The following PKHD1L1 variants were observed in gnomAD, a reference collection of about 807,000 sequenced individuals.
The protein encoded by PKHD1L1 is fibrocystin-L.
A neutral mutation model predicts 462.9 loss-of-function variants in PKHD1L1; 434 were observed. The observed-to-expected ratio is 0.94, with a 90% CI of 0.87 to 1.02. PKHD1L1 has a LOEUF of 1.02. Ranked by LOEUF, PKHD1L1 falls within the 50% of genes least tolerant of loss-of-function variation. The probability of loss-of-function intolerance (pLI) is 0.00; values close to 1 mark genes in which losing one functional copy is unlikely to be tolerated. For missense variants in PKHD1L1, 5,202 were observed against 5,096.1 expected (o/e 1.02, Z -0.63); for synonymous variants, 1,781 against 1,750.0 (o/e 1.02, Z -0.44).
chr8:109,527,099 C>G (rs1042675754), intron 77 of PKHD1L1, 79 bp downstream of exon 77: 1 of 1,185,770 alleles, frequency 8.4e-7, no homozygotes, highest in Non-Finnish European at 1.2e-6. Context: ...GTGTGCACAG[C>G]TCTTGTGCAT....
chr8:109,514,643 C>T (rs1054658198), intron 71 of PKHD1L1, among the ~76,000 whole-genome samples: 1 of 152,056 alleles, frequency 6.6e-6, no homozygotes, highest in Non-Finnish European at 1.5e-5. Context: ...TTGGAAAAGC[C>T]AGTCTCTTTA....
In PKHD1L1 at chr8:109,507,671, A is replaced by G. The variant is rs771766842; in HGVS notation, c.11003A>G (p.Asn3668Ser). The G allele has an allele frequency of 1.9e-6, 3 of 1,612,676 alleles. No homozygotes were observed. Among genetic ancestry groups the G allele is most frequent in the South Asian group, 2.2e-5 (2 of 91,030 alleles). ...FIHRPDISKVNPSDCVDMVCD... is the reference protein window; with the variant it reads ...FIHRPDISKVSPSDCVDMVCD... ...TCAACTTTTCTCCACAGTAAGGTCA[A>G]TCCATCTGATTGTGTAGACATGGTT... is the stretch of plus-strand genomic sequence containing the variant. Residue 3668 changes from asparagine (N) to serine (S), a missense_variant, in exon 69 of 78, where the codon AAT becomes AGT. Asn to Ser is a conservative substitution (Grantham distance 46, BLOSUM62 1). Transcript: ENST00000378402.
At chr8:109,422,276 G>C (rs1336423940) in intron 23 of PKHD1L1, among the ~76,000 whole-genome samples, 1 of 152,060 alleles carries the variant, frequency 6.6e-6, no homozygotes, top group East Asian at 1.9e-4. Context: ...CATAGGTGTA[G>C]ATTCATCTGA....
intron 57 of PKHD1L1, 33 bp downstream of exon 57, chr8:109,483,138 T>C: frequency 1.4e-6 from 2 of 1,467,526 alleles, no homozygotes; most frequent in South Asian, 1.3e-5. Flanking sequence ...GGAAAATGAA[T>C]ATACACAGTG....
At chr8:109,528,901 A>G (rs1234042262) in intron 77 of PKHD1L1, among the ~76,000 whole-genome samples, 1 of 152,168 alleles carries the variant, frequency 6.6e-6, no homozygotes, top group Non-Finnish European at 1.5e-5. Flanking sequence ...ATTGTGGGCA[A>G]ATTGTAAAGA....
At chr8:109,383,928 A>T in intron 4 of PKHD1L1, 142 bp from the exon 5 acceptor site, 2 of 679,202 alleles carry the variant, frequency 2.9e-6, no homozygotes, top group East Asian at 2.7e-5. Flanking sequence ...TCTTAGGTTC[A>T]TCTTATTTAA....
intron 33 of PKHD1L1, 29 bp from the exon 34 acceptor site, chr8:109,441,246 T>C: frequency 7.1e-7 from 1 of 1,407,004 alleles, no homozygotes; most frequent in Non-Finnish European, 9.6e-7. Context: ...GTTTGCTTTT[T>C]AAAAATATGC....
At chr8:109,384,975 A>G (rs1812361528) in intron 5 of PKHD1L1, among the ~76,000 whole-genome samples, 1 of 151,980 alleles carries the variant, frequency 6.6e-6, no homozygotes, top group Admixed American at 6.6e-5. Flanking sequence ...TGTAAGACAT[A>G]TATTTTGAAT....
intron 77 of PKHD1L1, among the ~76,000 whole-genome samples, chr8:109,529,433 A>G (rs905707804): frequency 1.3e-5 from 2 of 152,030 alleles, no homozygotes; most frequent in African/African-American, 4.8e-5. Context: ...AATTAATTTT[A>G]TTTTTTTCTC....
In PKHD1L1 at chr8:109,491,949, G is replaced by T; in HGVS notation, c.10191G>T (p.Gln3397His). 6.3e-7 allele frequency: 1 copy of T among 1,592,504 alleles called. No homozygotes were observed. The highest frequency in any genetic ancestry group is 8.6e-7 in the Non-Finnish European group (1 of 1,166,724). Residue 3397 changes from glutamine (Q) to histidine (H), a missense_variant, in exon 62 of 78, where the codon CAG becomes CAT. Gln to His is a conservative substitution (Grantham distance 24). Coordinates refer to ENST00000378402, the MANE Select transcript of PKHD1L1 (RefSeq NM_177531.6). ...IALSVWPGTYQNRKDLSSTLW... is the reference protein window; with the variant it reads ...IALSVWPGTYHNRKDLSSTLW... ...TTTCGGTTTGGCCAGGAACCTATCA[G>T]AACAGAAAAGATTTAAGTTCAACTC...
In PKHD1L1 at chr8:109,396,069, G is replaced by C; in HGVS notation, c.854G>C (p.Gly285Ala). Residue 285 changes from glycine (G) to alanine (A), a missense_variant, in exon 11 of 78, where the codon GGC becomes GCC. Physicochemically the swap from Gly to Ala is moderately conservative, Grantham distance 60. This residue lies in a region of PKHD1L1 where 4,497 missense variants were observed against 4,336.8 expected (regional missense o/e 1.04). Transcript: ENST00000378402. ...CCTTCACAAGGAAGCATTCGAGGTGGCACCACGCTGACAATAAGTGGGCGT... is the reference window on the plus strand; with the variant it reads ...CCTTCACAAGGAAGCATTCGAGGTGCCACCACGCTGACAATAAGTGGGCGT... Reference protein sequence around the residue: ...IFPSQGSIRGGTTLTISGRFF... With the variant: ...IFPSQGSIRGATTLTISGRFF... The C allele has an allele frequency of 6.2e-7, 1 of 1,608,206 alleles. No individual in the cohort carries two copies. The highest frequency in any genetic ancestry group is 8.5e-7 in the Non-Finnish European group (1 of 1,177,520).
rs10709611 is a variant in PKHD1L1 at position 109,532,243 on chromosome 8, CA to C, written c.*2154del. ...TTCTAAAAATTGCTTCTTAGCCACA[CA>C]GACTTTGTTAAAAAGTTCCTGTTTT... On this transcript the variant is annotated 3_prime_UTR_variant, in exon 78 of 78. Coordinates refer to ENST00000378402, the MANE Select transcript of PKHD1L1 (RefSeq NM_177531.6). Among the ~76,000 whole-genome samples, 1,727 of 143,056 alleles carry C rather than the reference CA, an allele frequency of 0.012. 25 individuals carry two copies. The highest frequency in any genetic ancestry group is 0.042 in the African/African-American group (1,643 of 39,320). 93.9% of individuals were successfully genotyped at this position (143,056 alleles called of 152,430 possible).
chr8:109,384,175 T>C (rs1812311858), intron 5 of PKHD1L1, 48 bp downstream of exon 5: 1 of 1,323,960 alleles, frequency 7.6e-7, no homozygotes, highest in East Asian at 2.3e-5. Flanking sequence ...TGGTAAATAA[T>C]GTGTTTATTT....
At chr8:109,485,011 T>A in intron 57 of PKHD1L1, 33 bp from the exon 58 acceptor site, 1 of 1,528,172 alleles carries the variant, frequency 6.5e-7, no homozygotes, top group Non-Finnish European at 8.8e-7. Context: ...TTTTTAAAAT[T>A]GTTCTTAAAT....
intron 2 of PKHD1L1, among the ~76,000 whole-genome samples, chr8:109,370,756 GTGT>G (rs751930652): frequency 4.6e-5 from 7 of 152,104 alleles, no homozygotes; most frequent in Non-Finnish European, 1.0e-4. Flanking sequence ...AGAACATGTG[GTGT>G]TTGGTTTTTT....
At position 109,477,291 on chromosome 8, in the gene PKHD1L1, A is replaced by G; in HGVS notation, c.8984A>G (p.Asp2995Gly). 1 of 1,613,582 alleles carries G rather than the reference A, an allele frequency of 6.2e-7. No homozygotes were observed. Among genetic ancestry groups the G allele is most frequent in the Non-Finnish European group, 8.5e-7 (1 of 1,179,646 alleles). ...GGGAACCTGGATCCTGATGTGAAAG[A>G]CGTTGTTATTAATTTCCAAGCTTAC... ...ISGNLDPDVK[D>G]VVINFQAYCC... Residue 2995 changes from aspartate to glycine, a missense_variant, in exon 53 of 78, where the codon GAC becomes GGC. Asp to Gly is a moderately conservative substitution (Grantham distance 94). Coordinates refer to ENST00000378402, the MANE Select transcript of PKHD1L1 (RefSeq NM_177531.6).
At position 109,497,040 on chromosome 8, in the gene PKHD1L1, A is replaced by C. The variant is rs375446627; in HGVS notation, c.10449A>C (p.Thr3483=). The change falls in exon 64 of 78, where the codon ACA becomes ACC. Residue 3483 remains threonine (T), a synonymous_variant. Transcript: ENST00000378402. ...TTATACAAGGATTTACCATTTGGACATGCTGGGATTATGGAATTTATTTTC... is the reference window on the plus strand; with the variant it reads ...TTATACAAGGATTTACCATTTGGACCTGCTGGGATTATGGAATTTATTTTC... ...CSLIQGFTIW[T]CWDYGIYFQT... 1.2e-6 allele frequency: 2 copies of C among 1,613,556 alleles called. No homozygotes were observed.
At chr8:109,383,071 T>A (rs1465328443) in intron 4 of PKHD1L1, among the ~76,000 whole-genome samples, 2 of 120,856 alleles carry the variant, frequency 1.7e-5, no homozygotes, top group Non-Finnish European at 3.5e-5. Flanking sequence ...TAATTATATT[T>A]TATATATAAA....
At chr8:109,435,585 A>G (rs527447113) in intron 29 of PKHD1L1, among the ~76,000 whole-genome samples, 3 of 152,348 alleles carry the variant, frequency 2.0e-5, no homozygotes, top group South Asian at 4.1e-4. Context: ...TTGAATTAAT[A>G]TCATCAATTA....
Sources: gnomAD v4.1 joint callset for allele counts (sites outside exome capture counted in the v4.1 genomes callset) on GRCh38, gnomAD v4.1.1 for gene constraint, gnomAD v4.1.1 regional missense constraint, MANE v1.5 for transcripts, NCBI Gene and HGNC (gene_info 2026-07-23, HGNC 2026-07-21) for gene names.